The following LRRTM4 variants were observed in gnomAD, a reference collection of about 807,000 sequenced individuals.
The protein encoded by LRRTM4 is leucine rich repeat transmembrane neuronal 4, also known as leucine-rich repeat transmembrane neuronal protein 4.
A neutral mutation model predicts 47.6 loss-of-function variants in LRRTM4; 25 were observed. That is an observed-to-expected ratio of 0.53 (90% CI 0.38 to 0.73). The LOEUF (loss-of-function observed/expected upper bound fraction) is 0.73. LRRTM4 is among the 30% of genes least tolerant of loss of function. LRRTM4 has a pLI of 0.00. For synonymous variants in LRRTM4, 311 were observed against 269.5 expected (o/e 1.15, Z -1.51); for missense variants, 638 against 713.4 (o/e 0.89, Z 1.20).
chr2:77,200,886 G>T lies in LRRTM4; in HGVS notation c.1551+317432C>A, dbSNP rs79972922. On this transcript the variant is annotated intron_variant, in intron 3 of 3. Transcript: ENST00000409884. ...ATGACTTACCACTTGCAAAATATGA[G>T]TTTGGAATTCTGAACTCCACCTGCC... Among the ~76,000 whole-genome samples the T allele has an allele frequency of 3.3e-3, 506 of 152,130 alleles. 19 individuals carry two copies. In the East Asian group the frequency reaches 0.083, roughly 25 times the overall value.
intron 3 of LRRTM4, among the ~76,000 whole-genome samples, chr2:76,816,267 A>T (rs912171714): frequency 6.6e-6 from 1 of 152,106 alleles, no homozygotes; most frequent in Non-Finnish European, 1.5e-5. Context: ...AGGATGCAGG[A>T]AACTTTCAGA....
At chr2:77,236,404 A>T (rs1675104553) in intron 3 of LRRTM4, among the ~76,000 whole-genome samples, 1 of 152,022 alleles carries the variant, frequency 6.6e-6, no homozygotes, top group Non-Finnish European at 1.5e-5. Context: ...ATTAGTTCTA[A>T]GAGCATTTTG....
intron 3 of LRRTM4, among the ~76,000 whole-genome samples, chr2:77,179,451 G>A (rs141470768): frequency 5.3e-5 from 8 of 152,252 alleles, no homozygotes; most frequent in South Asian, 2.1e-4. Context: ...GGCTTTTGCT[G>A]AATAATATTA....
intron 3 of LRRTM4, among the ~76,000 whole-genome samples, chr2:76,885,267 T>C (rs937606725): frequency 6.6e-6 from 1 of 152,024 alleles, no homozygotes; most frequent in African/African-American, 2.4e-5. Context: ...AAAAGAGTGA[T>C]CCTTTTTTAG....
intron 3 of LRRTM4, among the ~76,000 whole-genome samples, chr2:77,005,688 C>T (rs1677617029): frequency 6.6e-6 from 1 of 152,168 alleles, no homozygotes; most frequent in Admixed American, 6.5e-5. Flanking sequence ...CACATGCCCT[C>T]TTGCCTGATA....
chr2:76,796,797 C>T (rs563852822), intron 3 of LRRTM4, among the ~76,000 whole-genome samples: 21 of 152,048 alleles, frequency 1.4e-4, no homozygotes, highest in African/African-American at 3.9e-4. Context: ...ATCAACAGAA[C>T]GAATGACTTT....
chr2:76,930,354 G>A (rs1040526884), intron 3 of LRRTM4, among the ~76,000 whole-genome samples: 21 of 152,162 alleles, frequency 1.4e-4, no homozygotes, highest in African/African-American at 1.7e-4. Context: ...ACACACACGC[G>A]ATATGGTTAA....
chr2:77,115,304 G>T (rs1185547047), intron 3 of LRRTM4, among the ~76,000 whole-genome samples: 1 of 152,058 alleles, frequency 6.6e-6, no homozygotes, highest in African/African-American at 2.4e-5. Flanking sequence ...CTGTTATCCT[G>T]TTCTTTTTCA....
At chr2:77,272,643 G>A (rs531585936) in intron 3 of LRRTM4, among the ~76,000 whole-genome samples, 1 of 152,190 alleles carries the variant, frequency 6.6e-6, no homozygotes, top group Non-Finnish European at 1.5e-5. Flanking sequence ...TTGGAGATGG[G>A]GTCCAGTGGG....
intron 3 of LRRTM4, among the ~76,000 whole-genome samples, chr2:77,446,603 C>G (rs1164760674): frequency 2.0e-5 from 3 of 152,064 alleles, no homozygotes; most frequent in Admixed American, 6.6e-5. Context: ...TAAACTCATA[C>G]CTTTTTTGCT....
At chr2:77,206,243 ATCTTTGC>A (rs1674123364) in intron 3 of LRRTM4, among the ~76,000 whole-genome samples, 1 of 150,644 alleles carries the variant, frequency 6.6e-6, no homozygotes, top group Non-Finnish European at 1.5e-5. Flanking sequence ...AGGTGGTGCA[ATCTTTGC>A]TCCCTGTAAC....
At chr2:76,927,817 T>A (rs576391972) in intron 3 of LRRTM4, among the ~76,000 whole-genome samples, 2 of 152,260 alleles carry the variant, frequency 1.3e-5, no homozygotes, top group East Asian at 1.9e-4. Flanking sequence ...GCTCTCAACA[T>A]TGAGACAGGA....
chr2:76,919,713 T>A (rs116043904), intron 3 of LRRTM4, among the ~76,000 whole-genome samples: 2,509 of 152,282 alleles, frequency 0.016, 83 homozygotes, highest in African/African-American at 0.057. Flanking sequence ...TTACAGCCAT[T>A]TTACTTGGCT....
intron 3 of LRRTM4, among the ~76,000 whole-genome samples, chr2:77,296,881 T>C (rs1676989096): frequency 1.3e-5 from 2 of 152,164 alleles, no homozygotes; most frequent in Non-Finnish European, 2.9e-5. Context: ...TCGTTCTGAG[T>C]TAAGATGCAT....
At chr2:76,909,807 C>T (rs914594942) in intron 3 of LRRTM4, among the ~76,000 whole-genome samples, 38 of 152,174 alleles carry the variant, frequency 2.5e-4, no homozygotes, top group African/African-American at 8.0e-4. Context: ...TATCATCTCA[C>T]ACCAGTTAGA....
At chr2:77,317,335 A>T (rs1677647552) in intron 3 of LRRTM4, among the ~76,000 whole-genome samples, 1 of 152,154 alleles carries the variant, frequency 6.6e-6, no homozygotes, top group African/African-American at 2.4e-5. Context: ...TCCAGTTAAA[A>T]AGCAAGGTTT....
chr2:76,820,843 C>T (rs975342082), intron 3 of LRRTM4, among the ~76,000 whole-genome samples: 3 of 151,688 alleles, frequency 2.0e-5, no homozygotes, highest in African/African-American at 7.3e-5. Flanking sequence ...ATCATTGAGG[C>T]GCAAAAGTAG....
chr2:76,799,660 T>G (rs1335253698), intron 3 of LRRTM4, among the ~76,000 whole-genome samples: 4 of 132,106 alleles, frequency 3.0e-5, no homozygotes, highest in Admixed American at 7.5e-5. Flanking sequence ...GGAAGTCAAA[T>G]TGTCCCTGTT....
intron 3 of LRRTM4, among the ~76,000 whole-genome samples, chr2:76,845,037 T>C (rs948770876): frequency 1.3e-5 from 2 of 152,170 alleles, no homozygotes; most frequent in Admixed American, 6.6e-5. Context: ...ACCTAAAGCT[T>C]CCTTTATCTT....
Sources: gnomAD v4.1 joint callset for allele counts (sites outside exome capture counted in the v4.1 genomes callset) on GRCh38, gnomAD v4.1.1 for gene constraint, MANE v1.5 for transcripts, NCBI Gene and HGNC (gene_info 2026-07-23, HGNC 2026-07-21) for gene names.